RGS3: variants seen among roughly 807,000 people sequenced by gnomAD.
RGS3 encodes the protein regulator of G-protein signalling 3.
A neutral mutation model predicts 132.6 loss-of-function variants in RGS3; 80 were observed. The ratio of observed to expected loss-of-function variants is 0.60; its 90% CI spans 0.50 to 0.73. The LOEUF (loss-of-function observed/expected upper bound fraction) is 0.73, where lower values mean the gene tolerates loss of function less well. Among genes scored for constraint, RGS3 ranks in the 30% least tolerant of loss-of-function variants. The pLI, the probability that RGS3 is intolerant of heterozygous loss-of-function variation, is 0.00. For missense variants in RGS3, 1,382 were observed against 1,530.8 expected (o/e 0.90, Z 1.62); for synonymous variants, 598 against 620.6 (o/e 0.96, Z 0.54).
At position 113,591,041 on chromosome 9, in the gene RGS3, G is replaced by GCCCTCTCACCTGCT. The variant is rs1835394395; in HGVS notation, c.3016-291_3016-290insCCTCTCACCTGCTC. On this transcript the variant is annotated intron_variant, in intron 20 of 24. Coordinates refer to ENST00000350696, the Ensembl canonical transcript of RGS3. The surrounding 1 kb of genome is among the most constrained non-coding windows in gnomAD (Gnocchi z 4.4). Reference sequence around the variant, plus strand: ...CTGCCCTCTCACCTGCTCACTGCCTGCAATGAAGCCTCTGTCCTGAGTGCC... The same window carrying GCCCTCTCACCTGCT: ...CTGCCCTCTCACCTGCTCACTGCCTGCCCTCTCACCTGCTCAATGAAGCCTCTGTCCTGAGTGCC... 6.6e-6 allele frequency among the ~76,000 whole-genome samples: 1 copy of GCCCTCTCACCTGCT among 152,254 alleles called. No homozygotes were observed. The highest frequency in any genetic ancestry group is 1.9e-4 in the East Asian group (1 of 5,200).
chr9:113,572,582 C>A (rs1209993527), intron 19 of RGS3, among the ~76,000 whole-genome samples: 1 of 152,158 alleles, frequency 6.6e-6, no homozygotes, highest in Non-Finnish European at 1.5e-5. Flanking sequence ...AGGAGGAGGG[C>A]AGTGGGGCAG....
At chr9:113,517,200 G>T in intron 15 of RGS3, 6 of 499,000 alleles carry the variant, frequency 1.2e-5, no homozygotes, top group South Asian at 9.2e-5. Flanking sequence ...GGCGGGGGCT[G>T]GGAGGGCCCA....
At chr9:113,497,007 C>T (rs1830706569) in intron 8 of RGS3, among the ~76,000 whole-genome samples, 1 of 152,152 alleles carries the variant, frequency 6.6e-6, no homozygotes, top group South Asian at 2.1e-4. Flanking sequence ...TACTGTATAC[C>T]AGGCATAGTG....
intron 4 of RGS3, among the ~76,000 whole-genome samples, chr9:113,480,713 G>A (rs1207694935): frequency 1.3e-5 from 2 of 152,216 alleles, no homozygotes; most frequent in Non-Finnish European, 2.9e-5. Context: ...AAGTGCAAAG[G>A]CCTGGGGGTC....
intron 1 of RGS3, chr9:113,445,070 T>G (rs1829073117): frequency 1.3e-5 from 2 of 152,272 alleles, no homozygotes; most frequent in Admixed American, 1.3e-4. Flanking sequence ...TGTTGGAATA[T>G]GGTTCTAAGA....
At chr9:113,566,459 G>A (rs957012957) in intron 19 of RGS3, among the ~76,000 whole-genome samples, 9 of 152,136 alleles carry the variant, frequency 5.9e-5, no homozygotes, top group Admixed American at 2.6e-4. Flanking sequence ...CAGGTGTCCA[G>A]GAAGAACCCT....
At chr9:113,465,476 T>TGTGTGCGC (rs1554754577) in intron 3 of RGS3, among the ~76,000 whole-genome samples, 2 of 151,422 alleles carry the variant, frequency 1.3e-5, no homozygotes, top group African/African-American at 2.4e-5. Flanking sequence ...TGTGTGTGTG[T>TGTGTGCGC]GTGTGCCTGT....
At position 113,536,785 on chromosome 9, in the gene RGS3, C is replaced by T. The variant is rs1460068473; in HGVS notation, c.1915-11C>T. On this transcript the variant is annotated splice_polypyrimidine_tract_variant and intron_variant, in intron 18 of 24. Coordinates refer to ENST00000350696, the Ensembl canonical transcript of RGS3. ...CCTGACCGTCCGTTTCTCTATTTTCCCTGACGTCAGAAGGCAGAGTGCTTA... is the reference window on the plus strand; with the variant it reads ...CCTGACCGTCCGTTTCTCTATTTTCTCTGACGTCAGAAGGCAGAGTGCTTA... 1 of 1,612,686 alleles carries T rather than the reference C, an allele frequency of 6.2e-7. No individual in the cohort carries two copies.
At chr9:113,449,115 A>T (rs548923199) in intron 1 of RGS3, among the ~76,000 whole-genome samples, 74 of 152,366 alleles carry the variant, frequency 4.9e-4, no homozygotes, top group African/African-American at 1.7e-3. Context: ...CACTAAATCA[A>T]TGCCTTAGAA....
chr9:113,539,865 G>T (rs1832830945), intron 19 of RGS3, among the ~76,000 whole-genome samples: 1 of 152,236 alleles, frequency 6.6e-6, no homozygotes, highest in Admixed American at 6.5e-5. Flanking sequence ...GTCAGGGGAA[G>T]ATGGACTTAA....
At chr9:113,510,955 G>A (rs533050681) in intron 14 of RGS3, among the ~76,000 whole-genome samples, 92 of 152,350 alleles carry the variant, frequency 6.0e-4, no homozygotes, top group Middle Eastern at 6.8e-3. Context: ...GGTTAAGGCT[G>A]TCACCAGGGT....
rs770105225 is a variant in RGS3, at chr9:113,508,524, C to G, written c.1438-17C>G. On this transcript the variant is annotated splice_polypyrimidine_tract_variant and intron_variant, in intron 13 of 24. Coordinates refer to ENST00000350696, the Ensembl canonical transcript of RGS3. ...TGTTCCTGGGGCTGAGGTGGTTTTC[C>G]TGTCTTTCCCTTGCAGCTGCTCCGG... The G allele has an allele frequency of 6.2e-6, 10 of 1,612,552 alleles. No individual in the cohort carries two copies. Among genetic ancestry groups the G allele is most frequent in the Non-Finnish European group, 8.5e-6 (10 of 1,179,974 alleles).
intron 19 of RGS3, among the ~76,000 whole-genome samples, chr9:113,539,831 A>G (rs1832829421): frequency 6.6e-6 from 1 of 152,208 alleles, no homozygotes. Flanking sequence ...GATGAAATAT[A>G]TGCTTGTTGG....
At chr9:113,512,505 A>C (rs1057207216) in intron 14 of RGS3, among the ~76,000 whole-genome samples, 2 of 152,010 alleles carry the variant, frequency 1.3e-5, no homozygotes, top group African/African-American at 2.4e-5. Flanking sequence ...GGGGGAGTCA[A>C]CTTGTTTTTC....
intron 7 of RGS3, among the ~76,000 whole-genome samples, chr9:113,486,188 T>C (rs760650759): frequency 6.6e-6 from 1 of 152,124 alleles, no homozygotes; most frequent in Non-Finnish European, 1.5e-5. Context: ...AGGCCATCAG[T>C]ATGGGAAGAG....
At position 113,484,126 on chromosome 9, in the gene RGS3, T is replaced by C; in HGVS notation, c.526-12T>C. On this transcript the variant is annotated splice_polypyrimidine_tract_variant and intron_variant, in intron 5 of 24. Transcript: ENST00000350696. Reference sequence around the variant, plus strand: ...AGATCCGCTAATCATGCTTCCTTTTTTCCAATTCAAGATTTCTTTGATCCC... The same window carrying C: ...AGATCCGCTAATCATGCTTCCTTTTCTCCAATTCAAGATTTCTTTGATCCC... 1 of 1,560,716 alleles carries C rather than the reference T, an allele frequency of 6.4e-7. No individual in the cohort carries two copies. The highest frequency in any genetic ancestry group is 8.8e-7 in the Non-Finnish European group (1 of 1,131,722).
intron 14 of RGS3, among the ~76,000 whole-genome samples, chr9:113,514,133 C>T (rs1831531559): frequency 6.6e-6 from 1 of 152,112 alleles, no homozygotes. Context: ...AAGACTGAGG[C>T]CAAAATGGAA....
In RGS3 at chr9:113,506,347, G is replaced by T; in HGVS notation, c.980-41G>T. 1 of 1,321,918 alleles carries T rather than the reference G, an allele frequency of 7.6e-7. No individual in the cohort carries two copies. The highest frequency in any genetic ancestry group is 1.3e-5 in the South Asian group (1 of 79,948). 81.9% of individuals were successfully genotyped at this position (1,321,918 alleles called of 1,614,324 possible). A position where few individuals can be genotyped will look rare whatever the true frequency, so the allele number is the denominator to read the frequency against. Reference sequence around the variant, plus strand: ...CTCCAGATCCTTTGAAGGGGTCTTAGGCTTCAGGGGCCCCTGAATGGCTTT... The same window carrying T: ...CTCCAGATCCTTTGAAGGGGTCTTATGCTTCAGGGGCCCCTGAATGGCTTT... On this transcript the variant is annotated intron_variant, in intron 11 of 24. Transcript: ENST00000350696. This position sits in a 1 kb window ranked among gnomAD's most constrained non-coding sequence, Gnocchi z 4.7.
intron 19 of RGS3, among the ~76,000 whole-genome samples, chr9:113,538,492 CAGAGTTTGCTG>C (rs1470791704): frequency 6.6e-6 from 1 of 152,166 alleles, no homozygotes; most frequent in Non-Finnish European, 1.5e-5. Context: ...GCCTCGCTCT[CAGAGTTTGCTG>C]ACTCTGGAGT....
Sources: gnomAD v4.1 joint callset for allele counts (sites outside exome capture counted in the v4.1 genomes callset) on GRCh38, gnomAD v4.1.1 for gene constraint, Gnocchi (gnomAD v3.1) non-coding constraint, MANE v1.5 for transcripts, NCBI Gene and HGNC (gene_info 2026-07-23, HGNC 2026-07-21) for gene names.